Variants in CHERP observed in about 807,000 individuals in gnomAD.
CHERP encodes ERPROT 213-21.
A neutral mutation model predicts 113.8 loss-of-function variants in CHERP; 8 were observed. The observed-to-expected ratio is 0.07, with a 90% CI of 0.04 to 0.13. CHERP has a LOEUF of 0.13. Among genes scored for constraint, CHERP ranks in the 10% least tolerant of loss-of-function variants. The probability of loss-of-function intolerance (pLI) is 1.00; values close to 1 mark genes in which losing one functional copy is unlikely to be tolerated. For missense variants in CHERP, 884 were observed against 1,298.2 expected, an observed-to-expected ratio of 0.68 and a Z score of 4.90; for synonymous variants, 559 against 524.5, an observed-to-expected ratio of 1.07 and a Z score of -0.90.
chr19:16,528,149 G>A lies in CHERP; in HGVS notation c.1236C>T (p.Asp412=), dbSNP rs762302782. The A allele has an allele frequency of 5.0e-6, 8 of 1,613,714 alleles. No individual in the cohort carries two copies. In the South Asian group the frequency reaches 5.5e-5, roughly 11 times the overall value. The change falls in exon 9 of 17, where the codon GAC becomes GAT. Residue 412 remains aspartate (D), a synonymous_variant. Coordinates refer to ENST00000546361, the MANE Select transcript of CHERP (RefSeq NM_006387.6). ...AAGPRGPGPH[D]QIPPNKPPWF... Reference sequence around the variant, plus strand: ...AAGGGGGCTTGTTTGGTGGGATCTGGTCGTGTGGCCCGGGGCCCCGGGGGC... The same window carrying A: ...AAGGGGGCTTGTTTGGTGGGATCTGATCGTGTGGCCCGGGGCCCCGGGGGC...
rs202032472 is a variant in CHERP at position 16,530,734 on chromosome 19, G to A, written c.786+35C>T. On this transcript the variant is annotated intron_variant, in intron 6 of 16. Coordinates refer to ENST00000546361, the MANE Select transcript of CHERP (RefSeq NM_006387.6). The surrounding 1 kb of genome is among the most constrained non-coding windows in gnomAD (Gnocchi z 4.1). ...GGGAGGGGAAAGGCCTGTGTGTCCC[G>A]GTCTTGCCCAACCCCCGGCCCGGGG... 1.7e-5 allele frequency: 27 copies of A among 1,613,972 alleles called. No individual in the cohort carries two copies. The Middle Eastern group carries it at 9.9e-4, about 59-fold the overall frequency.
chr19:16,530,473 G>C lies in CHERP; in HGVS notation c.876+112C>G. ...CTGGCTACTCCTAGCACAGGCAGGG[G>C]ACATGGGCTCTCTGGCTGCTGGGGT... On this transcript the variant is annotated intron_variant, in intron 7 of 16. Coordinates refer to ENST00000546361, the MANE Select transcript of CHERP (RefSeq NM_006387.6). This position sits in a 1 kb window ranked among gnomAD's most constrained non-coding sequence, Gnocchi z 4.1. The C allele has an allele frequency of 1.1e-6, 1 of 945,658 alleles. No individual in the cohort carries two copies. The highest frequency in any genetic ancestry group is 1.4e-5 in the South Asian group (1 of 73,366). 58.6% of individuals were successfully genotyped at this position (945,658 alleles called of 1,614,324 possible). A position where few individuals can be genotyped will look rare whatever the true frequency, so the allele number is the denominator to read the frequency against.
At chr19:16,521,750 T>C (rs1329986267) in intron 11 of CHERP, 96 bp from the exon 12 acceptor site, 1 of 1,241,760 alleles carries the variant, frequency 8.1e-7, no homozygotes, top group Non-Finnish European at 1.1e-6. Context: ...AGGGCCCAGG[T>C]TCAGTGTCAA....
At position 16,530,682 on chromosome 19, in the gene CHERP, T is replaced by C. The variant is rs2085694979; in HGVS notation, c.787-8A>G. ...CTCCCAGAGCTGCAGGAGCTGGCGGTGGGAGGAGAGAGAGGCCGGGTCAGT... is the reference window on the plus strand; with the variant it reads ...CTCCCAGAGCTGCAGGAGCTGGCGGCGGGAGGAGAGAGAGGCCGGGTCAGT... On this transcript the variant is annotated splice_region_variant and splice_polypyrimidine_tract_variant and intron_variant, in intron 6 of 16. Transcript: ENST00000546361. The surrounding 1 kb of genome is among the most constrained non-coding windows in gnomAD (Gnocchi z 4.1). 6.2e-7 allele frequency: 1 copy of C among 1,613,608 alleles called. No homozygotes were observed. The highest frequency in any genetic ancestry group is 1.3e-5 in the African/African-American group (1 of 74,856).
rs918203340 is a variant in CHERP, at chr19:16,525,555, G to A, written c.1428C>T (p.Arg476=). ...CGGGCTGGTTGTTCCAGGGCGCGTC[G>A]CGCTGGCCGTTCCAGCCGGGGTCAC... ...QRGDPGWNGQ[R]DAPWNNQPDA... Residue 476 remains arginine, a synonymous_variant, in exon 10 of 17, where the codon CGC becomes CGT. Transcript: ENST00000546361. This position sits in a 1 kb window ranked among gnomAD's most constrained non-coding sequence, Gnocchi z 6.5. 8.4e-6 allele frequency: 13 copies of A among 1,542,096 alleles called. No individual in the cohort carries two copies. In the East Asian group the frequency reaches 2.4e-4, roughly 29 times the overall value.
At position 16,520,512 on chromosome 19, in the gene CHERP, G is replaced by A. The variant is rs770925579; in HGVS notation, c.2202-5C>T. 8 of 1,609,822 alleles carry A rather than the reference G, an allele frequency of 5.0e-6. No homozygotes were observed. The Admixed American group carries it at 5.0e-5, about 10-fold the overall frequency. On this transcript the variant is annotated splice_region_variant and splice_polypyrimidine_tract_variant and intron_variant, in intron 13 of 16. Transcript: ENST00000546361. This position sits in a 1 kb window ranked among gnomAD's most constrained non-coding sequence, Gnocchi z 4.0. ...CTCCGAGACCTCGAGGGTCCGCTGT[G>A]GGGAGAGGCCTGATGATCAGGTGCC...
rs565727976 is a variant in CHERP, at chr19:16,540,828, G to A, written c.199+1042C>T. Among the ~76,000 whole-genome samples the A allele has an allele frequency of 2.0e-5, 3 of 151,786 alleles. No homozygotes were observed. The South Asian group carries it at 6.2e-4, about 32-fold the overall frequency. The stretch of plus-strand genomic sequence containing the variant: ...TTCTCCCGCCTCAGCCTCCCAAGTA[G>A]CTGGGACTACAGGCGCGGGCCACCA... On this transcript the variant is annotated intron_variant, in intron 2 of 16. Transcript: ENST00000546361.
At chr19:16,521,865 C>T (rs943109041) in intron 11 of CHERP, among the ~76,000 whole-genome samples, 4 of 152,248 alleles carry the variant, frequency 2.6e-5, no homozygotes, top group Non-Finnish European at 5.9e-5. Context: ...TGCTCTGAGG[C>T]TGATGACAGT....
intron 12 of CHERP, 38 bp downstream of exon 12, chr19:16,521,483 G>A: frequency 1.3e-6 from 2 of 1,511,960 alleles, no homozygotes; most frequent in Non-Finnish European, 1.8e-6. Context: ...AGAGGGGACA[G>A]AGGCCTCCCG....
chr19:16,528,313 C>T (rs1429089178), intron 8 of CHERP, 58 bp from the exon 9 acceptor site: 2 of 1,474,336 alleles, frequency 1.4e-6, no homozygotes, highest in African/African-American at 1.4e-5. Flanking sequence ...GCTGTCTCCT[C>T]TCCACACTAC....
In CHERP at chr19:16,535,571, G is replaced by A. The variant is rs1481316272; in HGVS notation, c.265C>T (p.Pro89Ser). The change falls in exon 3 of 17, where the codon CCG becomes TCG. Residue 89 changes from proline (P) to serine (S), a missense_variant. Around this residue, in one of 8 missense-constraint regions of CHERP, gnomAD observed 109 missense variants for 134.2 expected, o/e 0.81. Coordinates refer to ENST00000546361, the MANE Select transcript of CHERP (RefSeq NM_006387.6). This position sits in a 1 kb window ranked among gnomAD's most constrained non-coding sequence, Gnocchi z 4.3. ...AATMPPLPQPPLAPAAPIPPA... is the reference protein window; with the variant it reads ...AATMPPLPQPSLAPAAPIPPA... ...GGGATGGGCGCGGCGGGGGCCAGCG[G>A]GGGCTGTGGCAGGGGTGGCATGGTG... 2 of 1,565,744 alleles carry A rather than the reference G, an allele frequency of 1.3e-6. No individual in the cohort carries two copies. Among genetic ancestry groups the A allele is most frequent in the East Asian group, 2.4e-5 (1 of 42,200 alleles).
At position 16,523,124 on chromosome 19, in the gene CHERP, G is replaced by C; in HGVS notation, c.1908C>G (p.His636Gln). 6.5e-7 allele frequency: 1 copy of C among 1,547,848 alleles called. No homozygotes were observed. Among genetic ancestry groups the C allele is most frequent in the Non-Finnish European group, 8.7e-7 (1 of 1,149,730 alleles). Residue 636 changes from histidine (H) to glutamine (Q), a missense_variant, in exon 11 of 17, where the codon CAC becomes CAG. Physicochemically the swap from His to Gln is conservative, Grantham distance 24 (BLOSUM62 0). Coordinates refer to ENST00000546361, the MANE Select transcript of CHERP (RefSeq NM_006387.6). The surrounding 1 kb of genome is among the most constrained non-coding windows in gnomAD (Gnocchi z 4.0). ...CATTGGGGACCAGGCTGGGGTCATC[G>C]TGGTTGATGTGGGGTGGGCCCTGTC... ...MRRQGPPHINHDDPSLVPNVP... is the reference protein window; with the variant it reads ...MRRQGPPHINQDDPSLVPNVP...
At position 16,531,000 on chromosome 19, in the gene CHERP, C is replaced by A; in HGVS notation, c.675-120G>T. On this transcript the variant is annotated intron_variant, in intron 5 of 16. Coordinates refer to ENST00000546361, the MANE Select transcript of CHERP (RefSeq NM_006387.6). This position sits in a 1 kb window ranked among gnomAD's most constrained non-coding sequence, Gnocchi z 4.1. ...CTTCTCGGGAATCGGGTCCCCAACC[C>A]GGTCAGGGCGATGGCTGGGCTCCCA... is the stretch of plus-strand genomic sequence containing the variant. 13 of 1,464,782 alleles carry A rather than the reference C, an allele frequency of 8.9e-6. No homozygotes were observed. The highest frequency in any genetic ancestry group is 1.2e-5 in the Non-Finnish European group (13 of 1,102,434). 90.7% of individuals were successfully genotyped at this position (1,464,782 alleles called of 1,614,324 possible).
Position 16,535,574 on chromosome 19 carries a change from G to C in CHERP, c.262C>G (p.Pro88Ala). The change falls in exon 3 of 17, where the codon CCC becomes GCC. Residue 88 changes from proline (P) to alanine (A), a missense_variant. By Grantham distance (27) the Pro-to-Ala change is conservative (BLOSUM62 -1). This residue lies in a region of CHERP where 109 missense variants were observed against 134.2 expected (regional missense o/e 0.81). Transcript: ENST00000546361. The surrounding 1 kb of genome is among the most constrained non-coding windows in gnomAD (Gnocchi z 4.3). ...PAATMPPLPQ[P>A]PLAPAAPIPP... The stretch of plus-strand genomic sequence containing the variant: ...ATGGGCGCGGCGGGGGCCAGCGGGG[G>C]CTGTGGCAGGGGTGGCATGGTGGCG... The C allele has an allele frequency of 1.3e-6, 2 of 1,563,548 alleles. No homozygotes were observed. The highest frequency in any genetic ancestry group is 1.7e-6 in the Non-Finnish European group (2 of 1,155,454).
intron 8 of CHERP, among the ~76,000 whole-genome samples, 200 bp downstream of exon 8, chr19:16,529,448 G>A (rs1014848246): frequency 1.3e-5 from 2 of 152,160 alleles, no homozygotes; most frequent in African/African-American, 4.8e-5. Context: ...CTGCTGTTCA[G>A]GAATGGGATG....
rs751838547 is a variant in CHERP at position 16,520,584 on chromosome 19, GACC to G, written c.2202-80_2202-78del. 44 of 1,503,050 alleles carry G rather than the reference GACC, an allele frequency of 2.9e-5. No individual in the cohort carries two copies. The highest frequency in any genetic ancestry group is 4.0e-5 in the Non-Finnish European group (44 of 1,105,202). 93.1% of individuals were successfully genotyped at this position (1,503,050 alleles called of 1,614,324 possible). On this transcript the variant is annotated intron_variant, in intron 13 of 16. Coordinates refer to ENST00000546361, the MANE Select transcript of CHERP (RefSeq NM_006387.6). The surrounding 1 kb of genome is among the most constrained non-coding windows in gnomAD (Gnocchi z 4.0). ...GCCCACCCTGGCCCTCAGGTTCCTA[GACC>G]ACCCCAGATGCAGGGGCTCTGGCTG...
intron 12 of CHERP, chr19:16,521,219 A>G: frequency 1.7e-6 from 1 of 574,744 alleles, no homozygotes; most frequent in Non-Finnish European, 3.1e-6. Context: ...GCAGCCCAGC[A>G]CAGGAAGGAG....
chr19:16,522,379 C>T (rs1445310779), intron 11 of CHERP, among the ~76,000 whole-genome samples: 1 of 152,218 alleles, frequency 6.6e-6, no homozygotes, highest in East Asian at 1.9e-4. Flanking sequence ...CTGCCTCAGC[C>T]TCCCGAGCAG....
chr19:16,525,497 AG>A lies in CHERP; in HGVS notation c.1485del (p.Trp496GlyfsTer159). 1 of 1,553,234 alleles carries A rather than the reference AG, an allele frequency of 6.4e-7. No homozygotes were observed. Among genetic ancestry groups the A allele is most frequent in the Admixed American group, 1.9e-5 (1 of 51,966 alleles). On this transcript the variant is annotated frameshift_variant, in exon 10 of 17. Coordinates refer to ENST00000546361, the MANE Select transcript of CHERP (RefSeq NM_006387.6). LOFTEE classifies it high-confidence loss of function. This position sits in a 1 kb window ranked among gnomAD's most constrained non-coding sequence, Gnocchi z 6.5. ...GGCGGCTGCTCGTGCTGGCTGTTCCAGGGGCCCTCGAACTGGCTGTTCCAGG... is the reference window on the plus strand; with the variant it reads ...GGCGGCTGCTCGTGCTGGCTGTTCCAGGGCCCTCGAACTGGCTGTTCCAGG... Reference protein sequence around the residue: ...DAAWNSQFEGPWNSQHEQPPW... With the variant: ...DAAWNSQFEGXWNSQHEQPPW...
Sources: gnomAD v4.1 joint callset for allele counts (sites outside exome capture counted in the v4.1 genomes callset) on GRCh38, gnomAD v4.1.1 for gene constraint, gnomAD v4.1.1 regional missense constraint, Gnocchi (gnomAD v3.1) non-coding constraint, MANE v1.5 for transcripts, NCBI Gene and HGNC (gene_info 2026-07-23, HGNC 2026-07-21) for gene names.